Variants in ATP9A observed in about 807,000 individuals in gnomAD.
The protein encoded by ATP9A is ATPase phospholipid transporting 9A, also known as probable phospholipid-transporting ATPase IIA.
In ATP9A, 52 loss-of-function variants were observed where a neutral mutation model predicts 144.1. The observed-to-expected ratio is 0.36, with a 90% confidence interval of 0.29 to 0.45. The LOEUF (loss-of-function observed/expected upper bound fraction) is 0.45, where lower values mean the gene tolerates loss of function less well. Ranked by LOEUF, ATP9A falls within the 20% of genes least tolerant of loss-of-function variation. The pLI is 1.00. For synonymous variants in ATP9A, 582 were observed against 557.4 expected (o/e 1.04, Z -0.62); for missense variants, 947 against 1,392.7 (o/e 0.68, Z 5.09).
chr20:51,734,601 C>T (rs2077755641), intron 1 of ATP9A: 1 of 152,092 alleles, frequency 6.6e-6, no homozygotes, highest in African/African-American at 2.4e-5. Context: ...ATCAAGAAAT[C>T]CCAGTCCACG....
intron 1 of ATP9A, among the ~76,000 whole-genome samples, chr20:51,748,554 T>C (rs1346056348): frequency 6.6e-6 from 1 of 152,148 alleles, no homozygotes; most frequent in Non-Finnish European, 1.5e-5. Flanking sequence ...CACCAAGATA[T>C]CTTTTTTTTA....
chr20:51,727,714 G>A (rs914201417), intron 2 of ATP9A, among the ~76,000 whole-genome samples: 2 of 152,070 alleles, frequency 1.3e-5, no homozygotes, highest in African/African-American at 2.4e-5. Flanking sequence ...GATGAATCAC[G>A]AGGTCAGGAG....
intron 1 of ATP9A, among the ~76,000 whole-genome samples, chr20:51,763,506 G>T (rs979525885): frequency 6.6e-6 from 1 of 151,506 alleles, no homozygotes; most frequent in Non-Finnish European, 1.5e-5. Context: ...TAGAGATGGG[G>T]TTTCACTTGT....
chr20:51,724,151 AT>A (rs1166597442), intron 3 of ATP9A, among the ~76,000 whole-genome samples: 9 of 152,034 alleles, frequency 5.9e-5, no homozygotes, highest in Admixed American at 1.3e-4. Context: ...AACCTGGGCA[AT>A]AAGAGCGAAA....
chr20:51,768,390 T>G lies in ATP9A; in HGVS notation c.-21A>C, dbSNP rs949390060. 3.1e-5 allele frequency: 34 copies of G among 1,104,988 alleles called. No homozygotes were observed. The highest frequency in any genetic ancestry group is 3.8e-5 in the Non-Finnish European group (34 of 906,510). The allele number at this position is 1,104,988 out of a possible 1,614,324, so 68.4% of individuals were successfully genotyped here. ...GTCATGTCGGCGGCGCCGCCCGCCT[T>G]GGCCGCCGCGCCCCCCGCGCCGCCT... On this transcript the variant is annotated 5_prime_UTR_variant, in exon 1 of 28. Transcript: ENST00000338821.
At chr20:51,684,837 C>T (rs1350705042) in intron 9 of ATP9A, among the ~76,000 whole-genome samples, 6 of 151,116 alleles carry the variant, frequency 4.0e-5, no homozygotes, top group Non-Finnish European at 7.4e-5. Context: ...GGTGAAACCC[C>T]GTCTCTACTA....
intron 1 of ATP9A, 88 bp downstream of exon 1, chr20:51,768,214 G>A: frequency 4.5e-6 from 4 of 888,376 alleles, no homozygotes; most frequent in Non-Finnish European, 5.8e-6. Flanking sequence ...GCGGCGCGCG[G>A]CCAACCTGTC....
chr20:51,659,292 C>T (rs1182553692), intron 13 of ATP9A, among the ~76,000 whole-genome samples: 2 of 152,198 alleles, frequency 1.3e-5, no homozygotes, highest in Admixed American at 6.5e-5. Flanking sequence ...ATTTACCTGA[C>T]GGTTCCCTCT....
chr20:51,721,207 C>T (rs2077687547), intron 3 of ATP9A, among the ~76,000 whole-genome samples: 1 of 152,232 alleles, frequency 6.6e-6, no homozygotes, highest in Admixed American at 6.5e-5. Flanking sequence ...ACTCCACAAG[C>T]ACGTCTACAC....
intron 18 of ATP9A, among the ~76,000 whole-genome samples, chr20:51,623,519 G>A (rs547140096): frequency 1.6e-4 from 24 of 152,114 alleles, no homozygotes; most frequent in Non-Finnish European, 3.4e-4. Flanking sequence ...GGTGGCTTAC[G>A]CCTATAATCC....
intron 13 of ATP9A, among the ~76,000 whole-genome samples, chr20:51,663,114 C>T (rs1039833024): frequency 3.3e-5 from 5 of 151,960 alleles, no homozygotes; most frequent in African/African-American, 1.2e-4. Flanking sequence ...AGATCCAGAC[C>T]CAAAGAATGC....
chr20:51,726,184 G>C (rs541274887), intron 2 of ATP9A, among the ~76,000 whole-genome samples: 3 of 151,854 alleles, frequency 2.0e-5, no homozygotes, highest in Admixed American at 6.6e-5. Context: ...GTGGTGGCAG[G>C]CACCTATAAT....
intron 13 of ATP9A, among the ~76,000 whole-genome samples, chr20:51,667,678 C>T (rs923361798): frequency 6.6e-6 from 1 of 152,064 alleles, no homozygotes; most frequent in Non-Finnish European, 1.5e-5. Flanking sequence ...GAAAGCCGGG[C>T]AGCTACTGTG....
intron 8 of ATP9A, among the ~76,000 whole-genome samples, chr20:51,689,988 T>C (rs6021384): frequency 0.25 from 38,113 of 150,362 alleles, 5,107 homozygotes; most frequent in Non-Finnish European, 0.28. Flanking sequence ...GATGCACACC[T>C]GGAATCCCAG....
intron 1 of ATP9A, among the ~76,000 whole-genome samples, chr20:51,745,140 G>A (rs924041229): frequency 1.3e-5 from 2 of 152,044 alleles, no homozygotes; most frequent in Non-Finnish European, 2.9e-5. Flanking sequence ...AGCCAGGTGT[G>A]GCTGTAGTCC....
intron 1 of ATP9A, among the ~76,000 whole-genome samples, chr20:51,751,867 C>A (rs1319656985): frequency 6.6e-6 from 1 of 151,910 alleles, no homozygotes; most frequent in Non-Finnish European, 1.5e-5. Context: ...GGATTATAGG[C>A]GTGAGCCACC....
Position 51,676,153 on chromosome 20 carries a change from A to G in ATP9A, c.855T>C (p.Asn285=). 1.2e-6 allele frequency: 2 copies of G among 1,612,994 alleles called. No individual in the cohort carries two copies. The highest frequency in any genetic ancestry group is 1.7e-6 in the Non-Finnish European group (2 of 1,179,420). ...YTGRELRSVM[N]TSNPRSKIGL... is the part of the protein sequence containing the mutation. Reference sequence around the variant, plus strand: ...ACACCTTACTTCGGGGATTTGAGGTATTCATGACACTCCGGAGTTCTCTGC... The same window carrying G: ...ACACCTTACTTCGGGGATTTGAGGTGTTCATGACACTCCGGAGTTCTCTGC... Residue 285 remains asparagine (N), a synonymous_variant, in exon 10 of 28, where the codon AAT becomes AAC. Transcript: ENST00000338821.
At chr20:51,689,912 A>T (rs2122816355) in intron 8 of ATP9A, among the ~76,000 whole-genome samples, 1 of 150,408 alleles carries the variant, frequency 6.6e-6, no homozygotes, top group South Asian at 2.1e-4. Context: ...GGAGTTCAAG[A>T]CTAGCCTGGC....
rs752783538 is a variant in ATP9A, at chr20:51,696,161, A to C, written c.496-17T>G. ...CCGCTGGTTCTGTGTTATGAAAAGAAAGACTGTTACTGTGAATGAATGACC... is the reference window on the plus strand; with the variant it reads ...CCGCTGGTTCTGTGTTATGAAAAGACAGACTGTTACTGTGAATGAATGACC... On this transcript the variant is annotated splice_polypyrimidine_tract_variant and intron_variant, in intron 5 of 27. Transcript: ENST00000338821. 6.2e-7 allele frequency: 1 copy of C among 1,613,040 alleles called. No individual in the cohort carries two copies. Among genetic ancestry groups the C allele is most frequent in the South Asian group, 1.1e-5 (1 of 91,036 alleles).
Sources: gnomAD v4.1 joint callset for allele counts (sites outside exome capture counted in the v4.1 genomes callset) on GRCh38, gnomAD v4.1.1 for gene constraint, MANE v1.5 for transcripts, NCBI Gene and HGNC (gene_info 2026-07-23, HGNC 2026-07-21) for gene names.